TMBIM4: variants seen among roughly 807,000 people sequenced by gnomAD.
TMBIM4 encodes the protein transmembrane BAX inhibitor motif containing 4.
In TMBIM4, 28 loss-of-function variants were observed where a neutral mutation model predicts 27.7. The ratio of observed to expected loss-of-function variants is 1.01; its 90% CI spans 0.75 to 1.38. The LOEUF (loss-of-function observed/expected upper bound fraction) is 1.38. Ranked by LOEUF, TMBIM4 falls within the 40% of genes most tolerant of loss-of-function variation. The pLI is 0.00. For synonymous variants in TMBIM4, 115 were observed against 113.1 expected, an observed-to-expected ratio of 1.02 and a Z score of -0.11; for missense variants, 265 against 277.5, an observed-to-expected ratio of 0.95 and a Z score of 0.32.
intron 4 of TMBIM4, among the ~76,000 whole-genome samples, chr12:66,147,078 ATATT>A (rs1379684493): frequency 2.0e-5 from 3 of 152,048 alleles, no homozygotes; most frequent in Admixed American, 2.0e-4. Context: ...TAATAAGTAA[ATATT>A]AATAATACTT....
intron 1 of TMBIM4, 130 bp downstream of exon 1, chr12:66,169,725 C>T (rs2136894720): frequency 1.6e-6 from 1 of 645,000 alleles, no homozygotes; most frequent in Non-Finnish European, 2.5e-6. Context: ...GAAGGAGGGC[C>T]GGGAGCTCAG....
chr12:66,154,852 A>C (rs935812972), intron 1 of TMBIM4, among the ~76,000 whole-genome samples: 1 of 152,196 alleles, frequency 6.6e-6, no homozygotes, highest in Admixed American at 6.5e-5. Flanking sequence ...CCTAAATATT[A>C]AACTTAATTT....
Position 66,148,837 on chromosome 12 carries a change from G to A in TMBIM4, c.313-896C>T, listed in dbSNP as rs1192203075. Among the ~76,000 whole-genome samples the A allele has an allele frequency of 2.6e-5, 4 of 152,190 alleles. No homozygotes were observed. In the South Asian group the frequency reaches 6.2e-4, roughly 24 times the overall value. Reference sequence around the variant, plus strand: ...AAAAGACTTGGGGATACTGAGCCATGTCCTCTAGCCTCCCTTTCCCCTTAA... The same window carrying A: ...AAAAGACTTGGGGATACTGAGCCATATCCTCTAGCCTCCCTTTCCCCTTAA... On this transcript the variant is annotated intron_variant, in intron 3 of 6. Coordinates refer to ENST00000358230, the MANE Select transcript of TMBIM4 (RefSeq NM_016056.4).
chr12:66,144,351 G>A (rs1004046124), intron 5 of TMBIM4, among the ~76,000 whole-genome samples: 1 of 152,046 alleles, frequency 6.6e-6, no homozygotes, highest in African/African-American at 2.4e-5. Context: ...TAACTGTCAA[G>A]GTAGAATGGA....
At chr12:66,139,569 C>T (rs1387500718) in intron 5 of TMBIM4, 11 of 455,426 alleles carry the variant, frequency 2.4e-5, no homozygotes, top group Non-Finnish European at 4.9e-5. Flanking sequence ...GATAAGAACC[C>T]ATACAGTCAC....
At chr12:66,165,112 C>T (rs2052103314) in intron 1 of TMBIM4, among the ~76,000 whole-genome samples, 1 of 152,176 alleles carries the variant, frequency 6.6e-6, no homozygotes, top group East Asian at 1.9e-4. Context: ...CATTGGAAAA[C>T]CGATGTTCAT....
intron 1 of TMBIM4, among the ~76,000 whole-genome samples, chr12:66,162,168 C>T (rs767172439): frequency 3.9e-5 from 6 of 152,122 alleles, no homozygotes; most frequent in Non-Finnish European, 2.9e-5. Flanking sequence ...CCCCCATCTC[C>T]ACCCCATGAA....
chr12:66,145,386 A>G (rs929071740), intron 5 of TMBIM4: 1 of 152,494 alleles, frequency 6.6e-6, no homozygotes, highest in Non-Finnish European at 1.5e-5. Context: ...ATCATTCCGT[A>G]TATTTGTTTG....
chr12:66,153,110 C>A (rs1347735615), intron 2 of TMBIM4, among the ~76,000 whole-genome samples: 2 of 151,902 alleles, frequency 1.3e-5, no homozygotes, highest in East Asian at 3.8e-4. Flanking sequence ...TTAATTTTTA[C>A]CAAGGGTTTA....
At chr12:66,160,324 T>C (rs1166784088) in intron 1 of TMBIM4, 2 of 674,132 alleles carry the variant, frequency 3.0e-6, no homozygotes, top group Non-Finnish European at 2.7e-6. Context: ...ATCAATCAAA[T>C]TTAAAATGCA....
At chr12:66,166,846 A>T (rs2052139609) in intron 1 of TMBIM4, among the ~76,000 whole-genome samples, 2 of 152,352 alleles carry the variant, frequency 1.3e-5, no homozygotes, top group South Asian at 4.1e-4. Flanking sequence ...CTGCACATGG[A>T]TGTTTACAAA....
intron 1 of TMBIM4, among the ~76,000 whole-genome samples, chr12:66,154,241 C>A (rs150378736): frequency 5.4e-4 from 82 of 152,288 alleles, no homozygotes; most frequent in African/African-American, 1.8e-3. Flanking sequence ...CTCAGTTCCG[C>A]ATTCTGAATT....
intron 2 of TMBIM4, 22 bp from the exon 3 acceptor site, chr12:66,152,398 G>C: frequency 4.0e-6 from 6 of 1,513,096 alleles, no homozygotes; most frequent in South Asian, 1.2e-5. Flanking sequence ...AATATTAAGT[G>C]TTTCAAGTTA....
intron 5 of TMBIM4, among the ~76,000 whole-genome samples, chr12:66,142,341 C>G (rs1337234085): frequency 6.6e-6 from 1 of 150,748 alleles, no homozygotes; most frequent in East Asian, 1.9e-4. Flanking sequence ...TAGGGAAATT[C>G]CAACGTTCCT....
intron 5 of TMBIM4, among the ~76,000 whole-genome samples, chr12:66,141,737 G>A (rs1447945875): frequency 6.6e-6 from 1 of 152,108 alleles, no homozygotes; most frequent in African/African-American, 2.4e-5. Flanking sequence ...TAGAGCTAAA[G>A]AAGGTCACTT....
chr12:66,164,539 C>A (rs896544492), intron 1 of TMBIM4, among the ~76,000 whole-genome samples: 2 of 152,176 alleles, frequency 1.3e-5, no homozygotes, highest in Non-Finnish European at 2.9e-5. Flanking sequence ...TTTCCTGGAA[C>A]TGGGGTTAGT....
intron 1 of TMBIM4, among the ~76,000 whole-genome samples, chr12:66,156,897 A>G (rs1029858628): frequency 1.3e-5 from 2 of 152,142 alleles, no homozygotes; most frequent in African/African-American, 2.4e-5. Context: ...GAATGATGCA[A>G]AAGTGGCAGG....
chr12:66,159,220 T>C (rs59112451), intron 1 of TMBIM4, among the ~76,000 whole-genome samples: 11,140 of 152,250 alleles, frequency 0.073, 850 homozygotes, highest in East Asian at 0.44. Flanking sequence ...ATGATGTGTG[T>C]GATTCCATGA....
At chr12:66,138,879 A>G in intron 5 of TMBIM4, 110 bp from the exon 6 acceptor site, 1 of 1,323,154 alleles carries the variant, frequency 7.6e-7, no homozygotes, top group Non-Finnish European at 9.7e-7. Context: ...TTTGCTGAAG[A>G]ATAACTAAAA....
Sources: gnomAD v4.1 joint callset for allele counts (sites outside exome capture counted in the v4.1 genomes callset) on GRCh38, gnomAD v4.1.1 for gene constraint, MANE v1.5 for transcripts, NCBI Gene and HGNC (gene_info 2026-07-23, HGNC 2026-07-21) for gene names.